The following OPN5 variants were observed in gnomAD, a reference collection of about 807,000 sequenced individuals.
The protein encoded by OPN5 is opsin-5.
A neutral mutation model predicts 41.7 loss-of-function variants in OPN5; 18 were observed. The ratio of observed to expected loss-of-function variants is 0.43; its 90% CI spans 0.30 to 0.64. The LOEUF (loss-of-function observed/expected upper bound fraction) is 0.64. Ranked by LOEUF, OPN5 falls within the 30% of genes least tolerant of loss-of-function variation. OPN5 has a pLI of 0.13. For synonymous variants in OPN5, 178 were observed against 164.3 expected (o/e 1.08, Z -0.64); for missense variants, 318 against 434.5 (o/e 0.73, Z 2.38).
chr6:47,797,497 A>G (rs1018185314), intron 4 of OPN5, among the ~76,000 whole-genome samples: 18 of 152,370 alleles, frequency 1.2e-4, no homozygotes, highest in Admixed American at 9.8e-4. Context: ...AAGTTGAATT[A>G]TATTTAATCA....
At chr6:47,823,391 T>C (rs1002535478) in intron 6 of OPN5, 1 of 152,706 alleles carries the variant, frequency 6.5e-6, no homozygotes, top group Non-Finnish European at 1.5e-5. Flanking sequence ...TAGGAGAAGA[T>C]ACGTACCTGG....
intron 1 of OPN5, among the ~76,000 whole-genome samples, chr6:47,786,097 T>C (rs1454888894): frequency 6.6e-6 from 1 of 152,204 alleles, no homozygotes; most frequent in African/African-American, 2.4e-5. Flanking sequence ...GGCACCTTCT[T>C]TGGTTGGCTT....
chr6:47,786,775 G>A (rs1417959858), intron 2 of OPN5, 141 bp downstream of exon 2: 3 of 731,650 alleles, frequency 4.1e-6, no homozygotes, highest in South Asian at 2.1e-5. Flanking sequence ...AACTTTCAGA[G>A]TTTTGTGGTA....
chr6:47,804,684 G>A (rs747497219), intron 4 of OPN5, among the ~76,000 whole-genome samples: 33 of 152,068 alleles, frequency 2.2e-4, no homozygotes, highest in Non-Finnish European at 4.3e-4. Context: ...GTACTTTTTA[G>A]ATCTAGCCTT....
chr6:47,805,563 G>T (rs1773927008), intron 4 of OPN5, among the ~76,000 whole-genome samples: 2 of 152,074 alleles, frequency 1.3e-5, no homozygotes, highest in African/African-American at 4.8e-5. Flanking sequence ...CACAGAGGCG[G>T]GTTCCTAGGG....
chr6:47,816,808 A>G (rs1425147160), intron 6 of OPN5, among the ~76,000 whole-genome samples: 1 of 152,132 alleles, frequency 6.6e-6, no homozygotes, highest in Non-Finnish European at 1.5e-5. Context: ...CACCTGTAAG[A>G]TTCTCAGGAC....
intron 4 of OPN5, among the ~76,000 whole-genome samples, chr6:47,807,381 T>A (rs552587862): frequency 8.5e-4 from 129 of 152,140 alleles, no homozygotes; most frequent in South Asian, 2.3e-3. Context: ...TGCATAGGGG[T>A]CAGGCGGGTA....
intron 4 of OPN5, among the ~76,000 whole-genome samples, chr6:47,802,459 C>A (rs985132593): frequency 1.3e-5 from 2 of 152,088 alleles, no homozygotes; most frequent in Admixed American, 1.3e-4. Flanking sequence ...CTAAAGCAAA[C>A]CATTTAATCC....
intron 2 of OPN5, among the ~76,000 whole-genome samples, chr6:47,789,488 T>C (rs189657939): frequency 2.6e-5 from 4 of 152,252 alleles, no homozygotes; most frequent in Non-Finnish European, 5.9e-5. Flanking sequence ...CACCTTGCTC[T>C]GTGTTTCTTA....
At chr6:47,792,561 T>A (rs1351855823) in intron 3 of OPN5, among the ~76,000 whole-genome samples, 2 of 152,202 alleles carry the variant, frequency 1.3e-5, no homozygotes, top group Non-Finnish European at 1.5e-5. Flanking sequence ...AGAAAATAAG[T>A]TTCCAGGGAC....
chr6:47,822,243 G>T (rs1457964835), intron 6 of OPN5, among the ~76,000 whole-genome samples: 3 of 152,120 alleles, frequency 2.0e-5, no homozygotes, highest in Admixed American at 2.0e-4. Flanking sequence ...GCTGTTAAGG[G>T]TCTGAATGCT....
chr6:47,790,450 C>A (rs1217773441), intron 2 of OPN5, among the ~76,000 whole-genome samples: 1 of 152,068 alleles, frequency 6.6e-6, no homozygotes. Flanking sequence ...TCCATGAATC[C>A]TCTCTGGTCT....
chr6:47,799,301 T>G (rs939221200), intron 4 of OPN5, among the ~76,000 whole-genome samples: 2 of 151,978 alleles, frequency 1.3e-5, no homozygotes, highest in Non-Finnish European at 2.9e-5. Flanking sequence ...ATAAGCTCAT[T>G]TCTATGCTTG....
chr6:47,800,493 T>C (rs1773728175), intron 4 of OPN5, among the ~76,000 whole-genome samples: 1 of 152,186 alleles, frequency 6.6e-6, no homozygotes, highest in Non-Finnish European at 1.5e-5. Flanking sequence ...AAAAGGCCAA[T>C]CTGAGGTTCT....
Position 47,791,788 on chromosome 6 carries a change from A to C in OPN5, c.251-14A>C. 1.2e-6 allele frequency: 2 copies of C among 1,613,156 alleles called. No individual in the cohort carries two copies. The highest frequency in any genetic ancestry group is 1.7e-6 in the Non-Finnish European group (2 of 1,179,342). On this transcript the variant is annotated splice_polypyrimidine_tract_variant and intron_variant, in intron 2 of 6. Coordinates refer to ENST00000371211, the Ensembl canonical transcript of OPN5. ...CCAGAGGAACGTCTGTTGACAAGTC[A>C]CTTGGTGCTCTAGTTGTAGGCAAGC...
At chr6:47,795,297 A>G in exon 4 of OPN5, 1 of 1,613,816 alleles carries the variant, frequency 6.2e-7, no homozygotes, top group Non-Finnish European at 8.5e-7. Context: ...TTCCTTCTGG[A>G]CCACCATGCC....
chr6:47,789,406 GTT>G (rs35576844), intron 2 of OPN5, among the ~76,000 whole-genome samples: 36 of 142,032 alleles, frequency 2.5e-4, no homozygotes, highest in Middle Eastern at 3.7e-3. Context: ...AAATTTAGGT[GTT>G]TTTTTTTTTT....
intron 6 of OPN5, among the ~76,000 whole-genome samples, chr6:47,816,208 G>C (rs1762425978): frequency 6.6e-6 from 1 of 152,158 alleles, no homozygotes; most frequent in Admixed American, 6.5e-5. Context: ...AAAAGATGGG[G>C]AGGATGTGTT....
chr6:47,800,611 T>A (rs2113972778), intron 4 of OPN5, among the ~76,000 whole-genome samples: 1 of 152,318 alleles, frequency 6.6e-6, no homozygotes, highest in East Asian at 1.9e-4. Flanking sequence ...GAACTCAGTG[T>A]CCTCCCATTC....
Sources: allele counts gnomAD v4.1 joint callset (sites outside exome capture counted in the v4.1 genomes callset), GRCh38; gene constraint gnomAD v4.1.1; transcripts MANE v1.5; gene names NCBI Gene and HGNC (gene_info 2026-07-23, HGNC 2026-07-21).